The following NSD1 variants were observed in gnomAD, a reference collection of about 807,000 sequenced individuals.
NSD1 encodes histone-lysine N-methyltransferase, H3 lysine-36 specific.
NSD1 carries 26 observed loss-of-function variants against 242.7 expected under a neutral mutation model. That is an observed-to-expected ratio of 0.11 (90% CI 0.08 to 0.15). The LOEUF is 0.15. Among genes scored for constraint, NSD1 ranks in the 10% least tolerant of loss-of-function variants. The pLI is 1.00. For synonymous variants in NSD1, 1,106 were observed against 1,178.1 expected, an observed-to-expected ratio of 0.94 and a Z score of 1.25; for missense variants, 2,495 against 3,272.8, an observed-to-expected ratio of 0.76 and a Z score of 5.80.
chr5:177,279,861 C>T (rs904254895), intron 17 of NSD1, among the ~76,000 whole-genome samples: 2 of 151,134 alleles, frequency 1.3e-5, no homozygotes, highest in African/African-American at 4.9e-5. Flanking sequence ...TCGTGATCCA[C>T]CTGCCTCGGC....
Position 177,271,997 on chromosome 5 carries a change from G to T in NSD1, c.5510-1675G>T, listed in dbSNP as rs536529019. Among the ~76,000 whole-genome samples the T allele has an allele frequency of 5.3e-5, 8 of 152,108 alleles. No individual in the cohort carries two copies. In the East Asian group the frequency reaches 1.5e-3, roughly 29 times the overall value. ...AAATTAGCTGGGCATGGTGATGTGC[G>T]CCTGTAATCCCAGCTACTCGGGAGG... On this transcript the variant is annotated intron_variant, in intron 16 of 22. Transcript: ENST00000439151.
chr5:177,160,760 C>T (rs1217171267), intron 2 of NSD1, among the ~76,000 whole-genome samples: 2 of 152,040 alleles, frequency 1.3e-5, no homozygotes, highest in Admixed American at 1.3e-4. Context: ...ATGTCCCAGG[C>T]ACTGGTAAGA....
chr5:177,140,689 A>G (rs1250735110), intron 2 of NSD1, among the ~76,000 whole-genome samples: 2 of 152,162 alleles, frequency 1.3e-5, no homozygotes, highest in African/African-American at 2.4e-5. Flanking sequence ...TCTTAAAAAA[A>G]AAATGAGCAC....
chr5:177,245,690 C>T (rs1766226127), intron 9 of NSD1, among the ~76,000 whole-genome samples: 2 of 148,144 alleles, frequency 1.4e-5, no homozygotes, highest in South Asian at 2.1e-4. Context: ...GGCTGGAGTA[C>T]AGTGGCACAA....
chr5:177,145,976 C>T (rs752673538), intron 2 of NSD1, among the ~76,000 whole-genome samples: 12 of 150,400 alleles, frequency 8.0e-5, no homozygotes, highest in Non-Finnish European at 1.3e-4. Context: ...GTAATCCCAG[C>T]GTTTTGGAAG....
rs565618913 is a variant in NSD1 at position 177,172,528 on chromosome 5, T to C, written c.928-19356T>C. Among the ~76,000 whole-genome samples, 5 of 152,280 alleles carry C rather than the reference T, an allele frequency of 3.3e-5. No individual in the cohort carries two copies. In the South Asian group the frequency reaches 1.0e-3, roughly 32 times the overall value. The stretch of plus-strand genomic sequence containing the variant: ...GTTTTTATCATATGATACATAGAAA[T>C]GACTTCTTAGTGGTAATATATGGCA... On this transcript the variant is annotated intron_variant, in intron 2 of 22. Transcript: ENST00000439151.
In NSD1 at chr5:177,191,894, A is replaced by T; in HGVS notation, c.938A>T (p.Lys313Met). ...TTTGTCTGTCTAAAGTGTCAACCTA[A>T]GAAAAAGTCTACGCCACTGAAGTAT... ...TSQELPFCQP[K>M]KKSTPLKYEV... is the part of the protein sequence containing the mutation. Residue 313 changes from lysine to methionine, a missense_variant, in exon 3 of 23, where the codon AAG becomes ATG. By Grantham distance (95) the Lys-to-Met change is moderately conservative (BLOSUM62 -1). Coordinates refer to ENST00000439151, the MANE Select transcript of NSD1 (RefSeq NM_022455.5). 2 of 1,614,152 alleles carry T rather than the reference A, an allele frequency of 1.2e-6. No individual in the cohort carries two copies. The highest frequency in any genetic ancestry group is 1.7e-6 in the Non-Finnish European group (2 of 1,180,004).
chr5:177,158,998 T>TTTTATATATATA (rs1758458687), intron 2 of NSD1, among the ~76,000 whole-genome samples: 3 of 122,612 alleles, frequency 2.4e-5, no homozygotes, highest in African/African-American at 1.1e-4. Flanking sequence ...ATGAATGATT[T>TTTTATATATATA]TATATATATA....
Position 177,135,344 on chromosome 5 carries a change from A to G in NSD1, c.241A>G (p.Met81Val), listed in dbSNP as rs763781326. 28 of 1,611,598 alleles carry G rather than the reference A, an allele frequency of 1.7e-5. No homozygotes were observed. The highest frequency in any genetic ancestry group is 2.1e-5 in the Non-Finnish European group (25 of 1,177,906). The change falls in exon 2 of 23, where the codon ATG becomes GTG. Residue 81 changes from methionine to valine, a missense_variant. By Grantham distance (21) the Met-to-Val change is conservative. Transcript: ENST00000439151. The part of the protein sequence containing the change: ...PLRRLQDLAS[M>V]INVEYLNGSA... ...GCGGAGACTACAGGATTTGGCCTCC[A>G]TGATCAATGTAGAGTATTTAAATGG...
intron 5 of NSD1, among the ~76,000 whole-genome samples, chr5:177,213,324 A>G (rs994295922): frequency 6.6e-6 from 1 of 152,220 alleles, no homozygotes; most frequent in African/African-American, 2.4e-5. Flanking sequence ...TTATCATATC[A>G]TAAAATTCAG....
At position 177,211,729 on chromosome 5, in the gene NSD1, C is replaced by T. The variant is rs541077303; in HGVS notation, c.3330C>T (p.Phe1110=). The change falls in exon 5 of 23, where the codon TTC becomes TTT. Residue 1110 remains phenylalanine, a synonymous_variant. Transcript: ENST00000439151. ...GTGACCATTTTTCTGATGTGCATTTCGATAGCAAGGTTAAGCAATCTGATC... is the reference window on the plus strand; with the variant it reads ...GTGACCATTTTTCTGATGTGCATTTTGATAGCAAGGTTAAGCAATCTGATC... ...EDGDHFSDVH[F]DSKVKQSDPG... The T allele has an allele frequency of 6.4e-4, 1,035 of 1,613,886 alleles. 21 individuals carry two copies. The South Asian group carries it at 9.1e-3, about 14-fold the overall frequency.
chr5:177,256,860 T>C, intron 12 of NSD1, 91 bp from the exon 13 acceptor site: 1 of 1,034,130 alleles, frequency 9.7e-7, no homozygotes, highest in Non-Finnish European at 1.5e-6. Context: ...GATCAGTCCA[T>C]TATAAAATTT....
chr5:177,263,601 TTC>T (rs1263065226), intron 14 of NSD1, among the ~76,000 whole-genome samples: 2 of 152,258 alleles, frequency 1.3e-5, no homozygotes, highest in Non-Finnish European at 2.9e-5. Context: ...TGTTTTTCTA[TTC>T]TCTGTGATGA....
rs1760523788 is a variant in NSD1, at chr5:177,300,106, A to C, written c.*4647A>C. The C allele has an allele frequency of 5.0e-6, 1 of 198,806 alleles. No homozygotes were observed. Among genetic ancestry groups the C allele is most frequent in the African/African-American group, 2.6e-5 (1 of 38,078 alleles). 12.3% of individuals were successfully genotyped at this position (198,806 alleles called of 1,614,324 possible). ...ATTGTCAGCTGTAAGTGAAACTCCTAGTGAAAAAGAGGGGAGCCCTGTGTT... is the reference window on the plus strand; with the variant it reads ...ATTGTCAGCTGTAAGTGAAACTCCTCGTGAAAAAGAGGGGAGCCCTGTGTT... On this transcript the variant is annotated 3_prime_UTR_variant, in exon 23 of 23. Transcript: ENST00000439151.
At chr5:177,151,635 C>T (rs1014890613) in intron 2 of NSD1, among the ~76,000 whole-genome samples, 1 of 150,982 alleles carries the variant, frequency 6.6e-6, no homozygotes, top group Non-Finnish European at 1.5e-5. Flanking sequence ...GTGATCTGCC[C>T]GCCTCGGCTT....
At chr5:177,217,539 C>G (rs747014278) in intron 5 of NSD1, among the ~76,000 whole-genome samples, 1 of 151,996 alleles carries the variant, frequency 6.6e-6, no homozygotes, top group Non-Finnish European at 1.5e-5. Context: ...TGCTCTTTAT[C>G]TTAGAGGAAA....
chr5:177,250,882 T>C (rs1755890636), intron 11 of NSD1, among the ~76,000 whole-genome samples: 1 of 152,208 alleles, frequency 6.6e-6, no homozygotes, highest in African/African-American at 2.4e-5. Context: ...TTGCTTTTCA[T>C]AGTAGTACAA....
At chr5:177,236,022 T>C in intron 6 of NSD1, 77 bp downstream of exon 6, 1 of 1,478,852 alleles carries the variant, frequency 6.8e-7, no homozygotes, top group Middle Eastern at 2.0e-4. Context: ...ATACTTTATC[T>C]TCATGAAACA....
At chr5:177,282,617 G>A (rs2127261202) in intron 19 of NSD1, 36 bp downstream of exon 19, 1 of 1,411,674 alleles carries the variant, frequency 7.1e-7, no homozygotes, top group Non-Finnish European at 1.0e-6. Flanking sequence ...ACTGTTACAA[G>A]ATTGTAAATT....
Sources: allele counts gnomAD v4.1 joint callset (sites outside exome capture counted in the v4.1 genomes callset), GRCh38; gene constraint gnomAD v4.1.1; transcripts MANE v1.5; gene names NCBI Gene and HGNC (gene_info 2026-07-23, HGNC 2026-07-21).